Variants in ABCA5 observed in about 807,000 individuals in gnomAD.
ABCA5 encodes cholesterol transporter ABCA5.
In ABCA5, 163 loss-of-function variants were observed where a neutral mutation model predicts 206.0. The observed-to-expected ratio is 0.79, with a 90% CI of 0.70 to 0.90. The LOEUF is 0.90. Ranked by LOEUF, ABCA5 falls within the 40% of genes least tolerant of loss-of-function variation. The pLI, the probability that ABCA5 is intolerant of heterozygous loss-of-function variation, is 0.00. For missense variants in ABCA5, 1,859 were observed against 1,912.9 expected (o/e 0.97, Z 0.53); for synonymous variants, 609 against 613.8 (o/e 0.99, Z 0.11).
At position 69,253,824 on chromosome 17, in the gene ABCA5, T is replaced by C. The variant is rs752014337; in HGVS notation, c.4290A>G (p.Val1430=). 4.3e-6 allele frequency: 7 copies of C among 1,613,056 alleles called. No individual in the cohort carries two copies. Among genetic ancestry groups the C allele is most frequent in the Non-Finnish European group, 5.9e-6 (7 of 1,179,660 alleles). ...GTTTGATTCCTGCAGGTAGTTTCTT[T>C]ACAGTCTTCTGAAGATGTTCTTTTA... ...LDLKEHLQKT[V]KKLPAGIKRK... The change falls in exon 33 of 39, where the codon GTA becomes GTG. Residue 1430 remains valine, a synonymous_variant. Transcript: ENST00000392676.
intron 9 of ABCA5, among the ~76,000 whole-genome samples, chr17:69,298,152 C>T (rs1422398517): frequency 6.7e-6 from 1 of 150,358 alleles, no homozygotes; most frequent in African/African-American, 2.4e-5. Context: ...TGCCACTGCA[C>T]TCCAGCTTGG....
chr17:69,260,991 T>C lies in ABCA5; in HGVS notation c.3564+134A>G, dbSNP rs990221745. ...AGAGCTCACAATAATTTATGCTGCA[T>C]TAATAATATCTAAATCAAGTAGTAG... On this transcript the variant is annotated intron_variant, in intron 26 of 38. Coordinates refer to ENST00000392676, the MANE Select transcript of ABCA5 (RefSeq NM_172232.4). 3.4e-5 allele frequency: 24 copies of C among 695,984 alleles called. No individual in the cohort carries two copies. The Middle Eastern group carries it at 1.3e-3, about 37-fold the overall frequency. The allele number at this position is 695,984 out of a possible 1,614,324, so 43.1% of individuals were successfully genotyped here.
At chr17:69,308,565 A>G (rs2075741869) in intron 4 of ABCA5, among the ~76,000 whole-genome samples, 197 bp from the exon 5 acceptor site, 1 of 152,212 alleles carries the variant, frequency 6.6e-6, no homozygotes, top group Non-Finnish European at 1.5e-5. Context: ...TTTTGAAATA[A>G]AAGTTATATG....
rs1230002267 is a variant in ABCA5 at position 69,259,886 on chromosome 17, T to TA, written c.3640-90dup. The stretch of plus-strand genomic sequence containing the variant: ...CTTTGCCAACAGAACTAAGACTACA[T>TA]ACATCAAGTTCCTTGCCATTACCAA... On this transcript the variant is annotated intron_variant, in intron 27 of 38. Coordinates refer to ENST00000392676, the MANE Select transcript of ABCA5 (RefSeq NM_172232.4). 23 of 654,934 alleles carry TA rather than the reference T, an allele frequency of 3.5e-5. No homozygotes were observed. In the African/African-American group the frequency reaches 4.2e-4, roughly 12 times the overall value. The allele number at this position is 654,934 out of a possible 1,614,324, so 40.6% of individuals were successfully genotyped here. A position where few individuals can be genotyped will look rare whatever the true frequency, so the allele number is the denominator to read the frequency against.
intron 9 of ABCA5, 63 bp downstream of exon 9, chr17:69,301,076 G>T: frequency 7.2e-7 from 1 of 1,394,218 alleles, no homozygotes; most frequent in Non-Finnish European, 9.5e-7. Flanking sequence ...AAATTAAGCT[G>T]ACCCTATGTG....
chr17:69,306,606 G>A, intron 6 of ABCA5, 119 bp downstream of exon 6: 2 of 443,030 alleles, frequency 4.5e-6, no homozygotes, highest in Non-Finnish European at 3.5e-6. Context: ...GGCAATCATT[G>A]TAAGAAAACA....
At chr17:69,285,250 G>C (rs1276223912) in intron 17 of ABCA5, 1 of 152,140 alleles carries the variant, frequency 6.6e-6, no homozygotes, top group Non-Finnish European at 1.5e-5. Context: ...GGTATAAGTA[G>C]ATAGAATGAT....
chr17:69,320,416 C>T (rs1045911905), intron 1 of ABCA5, among the ~76,000 whole-genome samples: 10 of 152,052 alleles, frequency 6.6e-5, no homozygotes, highest in African/African-American at 2.4e-4. Flanking sequence ...ATACCAATGA[C>T]TCAGTATTAT....
rs1249737485 is a variant in ABCA5, at chr17:69,247,627, AGT to A, written c.4837_4838del (p.Thr1613Ter). On this transcript the variant is annotated frameshift_variant, in exon 39 of 39. Coordinates refer to ENST00000392676, the MANE Select transcript of ABCA5 (RefSeq NM_172232.4). LOFTEE classifies it high-confidence loss of function. ...TATTATCTTCCTCCTCTTGTTCTTT[AGT>A]GAGTTCTACAAAAACCTAGGTGAAA... ...ATLEQVFVEL[T>X]KEQEEEDNSC... 1 of 1,607,706 alleles carries A rather than the reference AGT, an allele frequency of 6.2e-7. No individual in the cohort carries two copies.
chr17:69,301,172 G>A lies in ABCA5; in HGVS notation c.1234C>T (p.Leu412Phe), dbSNP rs1374104300. The A allele has an allele frequency of 6.3e-7, 1 of 1,583,042 alleles. No homozygotes were observed. Among genetic ancestry groups the A allele is most frequent in the Non-Finnish European group, 8.5e-7 (1 of 1,170,482 alleles). The change falls in exon 9 of 39, where the codon CTC (leucine) becomes TTC (phenylalanine). Residue 412 changes from leucine (L) to phenylalanine (F), a missense_variant. By Grantham distance (22) the Leu-to-Phe change is conservative. Coordinates refer to ENST00000392676, the MANE Select transcript of ABCA5 (RefSeq NM_172232.4). ...MLTLNSIFYV[L>F]LAVYLDQVIP... ...ACTTGATCAAGATAGACAGCCAAGA[G>A]GACATAGAATATACTATTAAGTGTG... is the stretch of plus-strand genomic sequence containing the variant.
intron 1 of ABCA5, 162 bp from the exon 2 acceptor site, chr17:69,314,592 A>T (rs1450770048): frequency 1.9e-6 from 1 of 518,342 alleles, no homozygotes; most frequent in Non-Finnish European, 3.4e-6. Context: ...ATGGAGCAGC[A>T]ATCTGTCAGC....
chr17:69,318,048 C>T (rs1349625441), intron 1 of ABCA5, among the ~76,000 whole-genome samples: 2 of 152,094 alleles, frequency 1.3e-5, no homozygotes, highest in Non-Finnish European at 2.9e-5. Flanking sequence ...TATAACTCTC[C>T]TCCAAAACAA....
Position 69,303,788 on chromosome 17 carries a change from ATAT to A in ABCA5, c.930+878_930+880del, listed in dbSNP as rs1567778039. On this transcript the variant is annotated intron_variant, in intron 7 of 38. Coordinates refer to ENST00000392676, the MANE Select transcript of ABCA5 (RefSeq NM_172232.4). ...AAAAAAAAAAAAAAAAAAAAAAAAT[ATAT>A]ATATATATATATATATACATACATA... is the stretch of plus-strand genomic sequence containing the variant. Among the ~76,000 whole-genome samples, 8 of 5,088 alleles carry A rather than the reference ATAT, an allele frequency of 1.6e-3. No homozygotes were observed. The Non-Finnish European group carries it at 0.016, about 10-fold the overall frequency. The allele number at this position is 5,088 out of a possible 152,430, so 3.3% of individuals were successfully genotyped here.
At chr17:69,322,363 CAAAAAAAAAAAAA>C (rs3029978) in intron 1 of ABCA5, among the ~76,000 whole-genome samples, 4 of 52,390 alleles carry the variant, frequency 7.6e-5, no homozygotes, top group African/African-American at 1.7e-4. Flanking sequence ...GATTCCGTCT[CAAAAAAAAAAAAA>C]AAAAAAAAAA....
chr17:69,248,141 T>A, intron 38 of ABCA5, 121 bp downstream of exon 38: 1 of 575,626 alleles, frequency 1.7e-6, no homozygotes, highest in Non-Finnish European at 3.1e-6. Context: ...AAGTTTAAGA[T>A]CATTCTGTAC....
At chr17:69,284,129 G>T in intron 17 of ABCA5, 57 bp from the exon 18 acceptor site, 2 of 1,354,914 alleles carry the variant, frequency 1.5e-6, no homozygotes, top group South Asian at 1.6e-5. Context: ...ATAAATTATT[G>T]TAAAATATCC....
At chr17:69,320,955 C>T (rs184044038) in intron 1 of ABCA5, among the ~76,000 whole-genome samples, 1 of 151,914 alleles carries the variant, frequency 6.6e-6, no homozygotes, top group African/African-American at 2.4e-5. Flanking sequence ...GACAATTGGT[C>T]GAGAGATTAT....
chr17:69,277,785 T>C lies in ABCA5; in HGVS notation c.2450A>G (p.Asp817Gly). 6.3e-7 allele frequency: 1 copy of C among 1,586,180 alleles called. No individual in the cohort carries two copies. The highest frequency in any genetic ancestry group is 8.6e-7 in the Non-Finnish European group (1 of 1,169,090). Reference protein sequence around the residue: ...LEEEMDSKSFDEMEQSLLILS... With the variant: ...LEEEMDSKSFGEMEQSLLILS... ...AATAAGTAAGCTCTGTTCCATTTCA[T>C]CAAAAGATTTTGAATCCATTTCTTC... The change falls in exon 19 of 39, where the codon GAT becomes GGT. Residue 817 changes from aspartate to glycine, a missense_variant. Physicochemically the swap from Asp to Gly is moderately conservative, Grantham distance 94. Coordinates refer to ENST00000392676, the MANE Select transcript of ABCA5 (RefSeq NM_172232.4).
intron 1 of ABCA5, chr17:69,317,262 G>A (rs1249230001): frequency 1.3e-5 from 2 of 151,952 alleles, no homozygotes; most frequent in Non-Finnish European, 2.9e-5. Context: ...AATTAGCTGG[G>A]CATGGTGGTA....
Sources: gnomAD v4.1 joint callset for allele counts (sites outside exome capture counted in the v4.1 genomes callset) on GRCh38, gnomAD v4.1.1 for gene constraint, MANE v1.5 for transcripts, NCBI Gene and HGNC (gene_info 2026-07-23, HGNC 2026-07-21) for gene names.